The following MMUT variants were observed in gnomAD, a reference collection of about 807,000 sequenced individuals.
MMUT encodes the protein methylmalonyl-CoA mutase, mitochondrial.
A neutral mutation model predicts 79.9 loss-of-function variants in MMUT; 79 were observed. The observed-to-expected ratio is 0.99, with a 90% CI of 0.82 to 1.19. The LOEUF is 1.19. Ranked by LOEUF, MMUT falls within the 50% of genes most tolerant of loss-of-function variation. The pLI, the probability that MMUT is intolerant of heterozygous loss-of-function variation, is 0.00. For missense variants in MMUT, 860 were observed against 917.2 expected (o/e 0.94, Z 0.81); for synonymous variants, 273 against 295.7 (o/e 0.92, Z 0.79).
At position 49,456,122 on chromosome 6, in the gene MMUT, G is replaced by A; in HGVS notation, c.869C>T (p.Thr290Ile). Residue 290 changes from threonine (T) to isoleucine (I), a missense_variant, in exon 4 of 13, where the codon ACT becomes ATT. By Grantham distance (89) the Thr-to-Ile change is moderately conservative. Coordinates refer to ENST00000274813, the MANE Select transcript of MMUT (RefSeq NM_000255.4). ...AATTGTCAGGCCAGCCTGGAGTCCA[G>A]TTCTAGAGTACTCCAATCCATCTGC... is the stretch of plus-strand genomic sequence containing the variant. The part of the protein sequence containing the change: ...TLADGLEYSR[T>I]GLQAGLTIDE... The A allele has an allele frequency of 7.4e-6, 12 of 1,613,398 alleles. No individual in the cohort carries two copies. Among genetic ancestry groups the A allele is most frequent in the Non-Finnish European group, 1.0e-5 (12 of 1,179,428 alleles).
rs761076380 is a variant in MMUT, at chr6:49,441,944, G to A, written c.1704C>T (p.Ala568=). ...TATGTTCACCAAATACCTTTTTCAG[G>A]GCATCTGTGATTTCTCCCACTGTAC... is the stretch of plus-strand genomic sequence containing the variant. ...ARCTVGEITD[A]LKKVFGEHKA... Residue 568 remains alanine, a synonymous_variant, in exon 10 of 13, where the codon GCC becomes GCT. Coordinates refer to ENST00000274813, the MANE Select transcript of MMUT (RefSeq NM_000255.4). The A allele has an allele frequency of 5.0e-6, 8 of 1,611,088 alleles. No individual in the cohort carries two copies. In the East Asian group the frequency reaches 8.9e-5, roughly 18 times the overall value.
chr6:49,446,049 C>T (rs1767404027), intron 8 of MMUT, among the ~76,000 whole-genome samples: 1 of 151,906 alleles, frequency 6.6e-6, no homozygotes, highest in African/African-American at 2.4e-5. Context: ...AAGAAGTACA[C>T]CTTTTCTGGT....
At chr6:49,436,679 C>G (rs1185269506) in intron 11 of MMUT, among the ~76,000 whole-genome samples, 1 of 151,056 alleles carries the variant, frequency 6.6e-6, no homozygotes, top group East Asian at 1.9e-4. Flanking sequence ...GACATGGAAT[C>G]AACCTAAATG....
rs111696084 is a variant in MMUT, at chr6:49,434,122, A to C, written c.2124+1334T>G. On this transcript the variant is annotated intron_variant, in intron 12 of 12. Transcript: ENST00000274813. Reference sequence around the variant, plus strand: ...TAATTATTTTGGTCCTTACATTTTAATATCATGCCTAGGTATCACAGACTC... The same window carrying C: ...TAATTATTTTGGTCCTTACATTTTACTATCATGCCTAGGTATCACAGACTC... Among the ~76,000 whole-genome samples the C allele has an allele frequency of 5.8e-3, 878 of 152,240 alleles. 5 individuals carry two copies. The highest frequency in any genetic ancestry group is 0.019 in the African/African-American group (785 of 41,538).
rs1767096990 is a variant in MMUT at position 49,435,490 on chromosome 6, A to G, written c.2090T>C (p.Ile697Thr). ...TATCACCCCTCCACACATGACAAGA[A>G]TATCTGGCCGTCCAAGGGAGTTAAG... ...KELNSLGRPD[I>T]LVMCGGVIPP... The change falls in exon 12 of 13, where the codon ATT becomes ACT. Residue 697 changes from isoleucine to threonine, a missense_variant. Transcript: ENST00000274813. 1 of 1,614,140 alleles carries G rather than the reference A, an allele frequency of 6.2e-7. No homozygotes were observed. The highest frequency in any genetic ancestry group is 1.7e-4 in the Middle Eastern group (1 of 6,060).
chr6:49,447,333 A>C (rs1476289804), intron 8 of MMUT, among the ~76,000 whole-genome samples: 1 of 151,916 alleles, frequency 6.6e-6, no homozygotes, highest in Non-Finnish European at 1.5e-5. Flanking sequence ...TAAGTTACAT[A>C]ATCATCTAAG....
At chr6:49,446,927 TA>T (rs1196066706) in intron 8 of MMUT, among the ~76,000 whole-genome samples, 1 of 151,804 alleles carries the variant, frequency 6.6e-6, no homozygotes, top group Non-Finnish European at 1.5e-5. Flanking sequence ...AGAAAACCAT[TA>T]AATGTATAAG....
rs9463483 is a variant in MMUT at position 49,442,135 on chromosome 6, T to A, written c.1677-164A>T. On this transcript the variant is annotated intron_variant, in intron 9 of 12. Transcript: ENST00000274813. ...CATTATGAAAGCATCTCTTCTGAAA[T>A]TACTTAAGAAAAATTTATTCTGGAT... 0.36 allele frequency among the ~76,000 whole-genome samples: 54,016 copies of A among 151,980 alleles called. 9,787 individuals carry two copies. Among genetic ancestry groups the A allele is most frequent in the African/African-American group, 0.39 (15,972 of 41,478 alleles).
intron 8 of MMUT, among the ~76,000 whole-genome samples, chr6:49,445,851 C>A (rs1002307749): frequency 6.6e-6 from 1 of 151,944 alleles, no homozygotes; most frequent in African/African-American, 2.4e-5. Context: ...ACTCCAAATT[C>A]TCCATAAAAA....
intron 12 of MMUT, among the ~76,000 whole-genome samples, chr6:49,434,629 T>C (rs1034226264): frequency 6.6e-6 from 1 of 152,192 alleles, no homozygotes; most frequent in Non-Finnish European, 1.5e-5. Flanking sequence ...GAGAACTGGA[T>C]TGGAAACAGA....
Position 49,448,859 on chromosome 6 carries a change from T to A in MMUT, c.1401A>T (p.Arg467=). 1 of 1,613,674 alleles carries A rather than the reference T, an allele frequency of 6.2e-7. No homozygotes were observed. The highest frequency in any genetic ancestry group is 8.5e-7 in the Non-Finnish European group (1 of 1,179,708). Residue 467 remains arginine, a synonymous_variant, in exon 7 of 13, where the codon CGA becomes CGT. Coordinates refer to ENST00000274813, the MANE Select transcript of MMUT (RefSeq NM_000255.4). ...GTCTTCGGGCAGCACATTCTTCAAT[T>A]CGAAGTTTAGGTATTCCCTCAGCTA... is the stretch of plus-strand genomic sequence containing the variant. ...KAVAEGIPKL[R]IEECAARRQA... is the part of the protein sequence containing the mutation.
At position 49,435,628 on chromosome 6, in the gene MMUT, A is replaced by C. The variant is rs780442254; in HGVS notation, c.1957-5T>G. On this transcript the variant is annotated splice_region_variant and splice_polypyrimidine_tract_variant and intron_variant, in intron 11 of 12. Transcript: ENST00000274813. ...CTGGGCCACTTCACGAGGAGTCTAA[A>C]CAGTCAGAAAGTAAAGATAAATCAT... 5 of 1,612,726 alleles carry C rather than the reference A, an allele frequency of 3.1e-6. No homozygotes were observed. In the East Asian group the frequency reaches 8.9e-5, roughly 29 times the overall value.
intron 1 of MMUT, among the ~76,000 whole-genome samples, chr6:49,460,137 GTTC>G (rs1376169249): frequency 1.3e-5 from 2 of 152,240 alleles, no homozygotes; most frequent in Admixed American, 1.3e-4. Context: ...TGCCTAAAAT[GTTC>G]TTCTCTGGCT....
intron 2 of MMUT, 98 bp from the exon 3 acceptor site, chr6:49,458,156 A>G (rs1171264491): frequency 5.8e-6 from 7 of 1,198,776 alleles, no homozygotes; most frequent in Non-Finnish European, 7.1e-6. Flanking sequence ...TTCATCTCAT[A>G]ACAGTACACT....
At chr6:49,438,527 T>C (rs1313249532) in intron 11 of MMUT, among the ~76,000 whole-genome samples, 1 of 152,202 alleles carries the variant, frequency 6.6e-6, no homozygotes, top group Non-Finnish European at 1.5e-5. Flanking sequence ...AGAGGCATAA[T>C]CAGTTTTAGT....
Position 49,448,947 on chromosome 6 carries a change from C to G in MMUT, c.1333-20G>C. The G allele has an allele frequency of 6.7e-7, 1 of 1,490,042 alleles. No individual in the cohort carries two copies. Among genetic ancestry groups the G allele is most frequent in the South Asian group, 1.1e-5 (1 of 88,436 alleles). The allele number at this position is 1,490,042 out of a possible 1,614,324, so 92.3% of individuals were successfully genotyped here. Reference sequence around the variant, plus strand: ...AATGAGCTAAAAAGAAAAACATTAACAAAACTAAAAGAGAATATTAAAAAT... The same window carrying G: ...AATGAGCTAAAAAGAAAAACATTAAGAAAACTAAAAGAGAATATTAAAAAT... On this transcript the variant is annotated intron_variant, in intron 6 of 12. Coordinates refer to ENST00000274813, the MANE Select transcript of MMUT (RefSeq NM_000255.4).
In MMUT at chr6:49,455,233, T is replaced by C. The variant is rs1307739108; in HGVS notation, c.911+847A>G. Among the ~76,000 whole-genome samples the C allele has an allele frequency of 3.3e-5, 5 of 152,214 alleles. No individual in the cohort carries two copies. In the East Asian group the frequency reaches 9.6e-4, roughly 29 times the overall value. On this transcript the variant is annotated intron_variant, in intron 4 of 12. Coordinates refer to ENST00000274813, the MANE Select transcript of MMUT (RefSeq NM_000255.4). ...ACAGCTGGAGTCTCATATCTGTTTC[T>C]GCAATCTGTTGCAGTATCACATATC...
rs1477917843 is a variant in MMUT, at chr6:49,453,522, T to C, written c.1083+63A>G. On this transcript the variant is annotated intron_variant, in intron 5 of 12. Coordinates refer to ENST00000274813, the MANE Select transcript of MMUT (RefSeq NM_000255.4). ...ATTCTATTTCCTGCTTGTGCCACAT[T>C]GCTCAGAAAAAATATATATATATAA... 4.6e-6 allele frequency: 4 copies of C among 872,988 alleles called. No individual in the cohort carries two copies. In the African/African-American group the frequency reaches 7.1e-5, roughly 15 times the overall value. 54.1% of individuals were successfully genotyped at this position (872,988 alleles called of 1,614,324 possible). A position where few individuals can be genotyped will look rare whatever the true frequency, so the allele number is the denominator to read the frequency against.
At chr6:49,443,966 A>G (rs1459476982) in intron 9 of MMUT, among the ~76,000 whole-genome samples, 1 of 152,170 alleles carries the variant, frequency 6.6e-6, no homozygotes, top group Non-Finnish European at 1.5e-5. Context: ...TAAATACTGT[A>G]GAGAATTCAA....
Sources: gnomAD v4.1 joint callset for allele counts (sites outside exome capture counted in the v4.1 genomes callset) on GRCh38, gnomAD v4.1.1 for gene constraint, MANE v1.5 for transcripts, NCBI Gene and HGNC (gene_info 2026-07-23, HGNC 2026-07-21) for gene names.